The following PAK5 variants were observed in gnomAD, a reference collection of about 807,000 sequenced individuals.
The protein encoded by PAK5 is p21 (RAC1) activated kinase 5, also known as serine/threonine-protein kinase PAK 5.
PAK5 carries 16 observed loss-of-function variants against 65.9 expected under a neutral mutation model. That is an observed-to-expected ratio of 0.24 (90% confidence interval 0.16 to 0.37). The LOEUF (loss-of-function observed/expected upper bound fraction) is 0.37. PAK5 is among the 10% of genes least tolerant of loss of function. PAK5 has a pLI of 1.00. For missense variants in PAK5, 785 were observed against 903.9 expected, an observed-to-expected ratio of 0.87 and a Z score of 1.69; for synonymous variants, 371 against 354.9, an observed-to-expected ratio of 1.05 and a Z score of -0.51.
intron 1 of PAK5, among the ~76,000 whole-genome samples, chr20:9,808,306 T>A (rs56262255): frequency 0.023 from 3,539 of 152,240 alleles, 56 homozygotes; most frequent in Non-Finnish European, 0.036. Context: ...AAATAAGAAG[T>A]ATCAACACCC....
At chr20:9,827,140 T>C (rs925712962) in intron 1 of PAK5, among the ~76,000 whole-genome samples, 1 of 152,220 alleles carries the variant, frequency 6.6e-6, no homozygotes, top group African/African-American at 2.4e-5. Context: ...AGTATTAGTG[T>C]GAAACTAGTT....
At chr20:9,795,182 A>G (rs2049091835) in intron 1 of PAK5, among the ~76,000 whole-genome samples, 1 of 152,128 alleles carries the variant, frequency 6.6e-6, no homozygotes. Flanking sequence ...GGCAAAGAAA[A>G]GAAAGATTGA....
chr20:9,658,552 G>T (rs1411078021), intron 2 of PAK5, among the ~76,000 whole-genome samples: 1 of 152,194 alleles, frequency 6.6e-6, no homozygotes, highest in Non-Finnish European at 1.5e-5. Context: ...AAATTAGTCT[G>T]CTTTTCAAAG....
intron 1 of PAK5, among the ~76,000 whole-genome samples, chr20:9,734,308 G>A (rs942069199): frequency 5.3e-5 from 8 of 152,112 alleles, no homozygotes; most frequent in African/African-American, 1.9e-4. Flanking sequence ...TTTGGAAAAA[G>A]TCAAAGAGCT....
intron 2 of PAK5, among the ~76,000 whole-genome samples, chr20:9,649,344 C>G (rs762158920): frequency 1.3e-5 from 2 of 152,158 alleles, no homozygotes; most frequent in Non-Finnish European, 2.9e-5. Context: ...TCCCAGAATC[C>G]TTGTTTCTGA....
intron 1 of PAK5, among the ~76,000 whole-genome samples, chr20:9,807,064 C>T (rs1204051362): frequency 2.6e-5 from 4 of 152,068 alleles, no homozygotes; most frequent in Non-Finnish European, 4.4e-5. Context: ...TCTGATTTGA[C>T]CTTATTGCCT....
chr20:9,621,710 A>G (rs1395482299), intron 3 of PAK5, among the ~76,000 whole-genome samples: 2 of 152,174 alleles, frequency 1.3e-5, no homozygotes, highest in Non-Finnish European at 2.9e-5. Flanking sequence ...CTGACGGGCA[A>G]TGGCAGGCCA....
intron 1 of PAK5, among the ~76,000 whole-genome samples, chr20:9,809,826 A>C (rs771982130): frequency 6.6e-6 from 1 of 152,158 alleles, no homozygotes; most frequent in Non-Finnish European, 1.5e-5. Context: ...CACTCTTCGG[A>C]GAATACTACT....
At chr20:9,814,471 T>C (rs181487328) in intron 1 of PAK5, among the ~76,000 whole-genome samples, 217 of 152,262 alleles carry the variant, frequency 1.4e-3, no homozygotes, top group African/African-American at 4.8e-3. Context: ...CACCAAGAAT[T>C]GCAAGATGCA....
Position 9,746,402 on chromosome 20 carries a change from T to A in PAK5, c.-161-34967A>T, listed in dbSNP as rs961205498. ...CAACAGTACCAAATCTCTAACTTTT[T>A]AAAAATGTATTCTTCAAATTGACAT... On this transcript the variant is annotated intron_variant, in intron 1 of 9. Coordinates refer to ENST00000353224, the MANE Select transcript of PAK5 (RefSeq NM_177990.4). Among the ~76,000 whole-genome samples the A allele has an allele frequency of 2.6e-5, 4 of 151,670 alleles. No individual in the cohort carries two copies. The East Asian group carries it at 5.9e-4, about 22-fold the overall frequency.
chr20:9,641,913 G>A (rs6108319), intron 3 of PAK5, among the ~76,000 whole-genome samples: 44,744 of 151,986 alleles, frequency 0.29, 6,835 homozygotes, highest in East Asian at 0.39. Flanking sequence ...ACGCCCACCC[G>A]GAACTCCAGC....
At chr20:9,821,034 G>A (rs888636378) in intron 1 of PAK5, among the ~76,000 whole-genome samples, 10 of 152,104 alleles carry the variant, frequency 6.6e-5, no homozygotes. Flanking sequence ...CTCCAAGTGG[G>A]AAACTCTAGA....
At chr20:9,807,768 T>TAAC (rs1487704940) in intron 1 of PAK5, among the ~76,000 whole-genome samples, 1 of 148,080 alleles carries the variant, frequency 6.8e-6, no homozygotes, top group Non-Finnish European at 1.5e-5. Flanking sequence ...AAATAAATAA[T>TAAC]AATAATAATA....
chr20:9,696,864 C>T (rs1342954335), intron 2 of PAK5, among the ~76,000 whole-genome samples: 1 of 152,004 alleles, frequency 6.6e-6, no homozygotes, highest in Non-Finnish European at 1.5e-5. Flanking sequence ...TCTGCAGAGG[C>T]AGGGAACTTT....
chr20:9,594,470 G>T (rs1215907063), intron 3 of PAK5, among the ~76,000 whole-genome samples: 2 of 152,170 alleles, frequency 1.3e-5, no homozygotes, highest in Non-Finnish European at 2.9e-5. Context: ...TTGACACACT[G>T]ATTAATGAGT....
At chr20:9,670,950 A>G (rs1000438876) in intron 2 of PAK5, among the ~76,000 whole-genome samples, 2 of 152,180 alleles carry the variant, frequency 1.3e-5, no homozygotes, top group African/African-American at 4.8e-5. Context: ...TAATTTTTGT[A>G]TAAGGTGTAA....
chr20:9,785,276 A>C (rs1196740997), intron 1 of PAK5, among the ~76,000 whole-genome samples: 1 of 152,180 alleles, frequency 6.6e-6, no homozygotes, highest in African/African-American at 2.4e-5. Flanking sequence ...TATTGACTAC[A>C]TTTTATTATA....
intron 4 of PAK5, among the ~76,000 whole-genome samples, chr20:9,569,505 T>C (rs1017327146): frequency 6.6e-6 from 1 of 152,124 alleles, no homozygotes; most frequent in African/African-American, 2.4e-5. Context: ...ACAAGTGCTG[T>C]AGAAAGGAAA....
chr20:9,828,186 C>T (rs1172914722), intron 1 of PAK5, among the ~76,000 whole-genome samples: 1 of 152,156 alleles, frequency 6.6e-6, no homozygotes, highest in Non-Finnish European at 1.5e-5. Flanking sequence ...AGAGTAGACT[C>T]TACTTGGAAT....
Sources: allele counts gnomAD v4.1 joint callset (sites outside exome capture counted in the v4.1 genomes callset), GRCh38; gene constraint gnomAD v4.1.1; transcripts MANE v1.5; gene names NCBI Gene and HGNC (gene_info 2026-07-23, HGNC 2026-07-21).